The following GPC6 variants were observed in gnomAD, a reference collection of about 807,000 sequenced individuals.
The protein encoded by GPC6 is glypican-6.
GPC6 carries 14 observed loss-of-function variants against 55.2 expected under a neutral mutation model. That is an observed-to-expected ratio of 0.25 (90% CI 0.17 to 0.40). GPC6 has a LOEUF of 0.40. Among genes scored for constraint, GPC6 ranks in the 10% least tolerant of loss-of-function variants. GPC6 has a pLI of 1.00. For synonymous variants in GPC6, 278 were observed against 259.6 expected, an observed-to-expected ratio of 1.07 and a Z score of -0.68; for missense variants, 641 against 708.5, an observed-to-expected ratio of 0.90 and a Z score of 1.08.
chr13:93,711,986 G>T (rs951172035), intron 2 of GPC6, among the ~76,000 whole-genome samples: 9 of 151,654 alleles, frequency 5.9e-5, no homozygotes, highest in Non-Finnish European at 1.2e-4. Flanking sequence ...ACTTCACATT[G>T]ATTTTCCCTC....
chr13:93,992,336 G>A (rs563289280), intron 3 of GPC6, among the ~76,000 whole-genome samples: 26 of 152,142 alleles, frequency 1.7e-4, no homozygotes, highest in African/African-American at 6.3e-4. Context: ...AACAAGGTGA[G>A]AAAGAATGTA....
chr13:93,955,640 T>G (rs1164334153), intron 3 of GPC6, among the ~76,000 whole-genome samples: 4 of 152,292 alleles, frequency 2.6e-5, no homozygotes, highest in Admixed American at 1.3e-4. Flanking sequence ...AAGCAAGAGC[T>G]GTTCACAGGA....
intron 2 of GPC6, among the ~76,000 whole-genome samples, chr13:93,658,951 A>G (rs936701189): frequency 1.3e-5 from 2 of 151,866 alleles, no homozygotes; most frequent in African/African-American, 2.4e-5. Flanking sequence ...GTCACCATTA[A>G]TGGTTCATTA....
chr13:93,937,359 G>C (rs954431160), intron 3 of GPC6, among the ~76,000 whole-genome samples: 8 of 152,160 alleles, frequency 5.3e-5, no homozygotes, highest in Admixed American at 1.3e-4. Context: ...CGCACAGTCA[G>C]CTGTATAGTG....
chr13:94,123,369 A>C (rs376766509), intron 4 of GPC6, among the ~76,000 whole-genome samples: 160 of 152,164 alleles, frequency 1.1e-3, no homozygotes, highest in African/African-American at 3.8e-3. Flanking sequence ...ACACTTCCCC[A>C]AAAAATGTTT....
chr13:94,166,995 C>T lies in GPC6; in HGVS notation c.878-119354C>T, dbSNP rs941259766. Among the ~76,000 whole-genome samples the T allele has an allele frequency of 8.7e-4, 133 of 152,248 alleles. 1 individual carries two copies. The highest frequency in any genetic ancestry group is 3.1e-3 in the African/African-American group (130 of 41,562). ...TTAATAGAATAATAAATTAAATAATCATCCATTTGGAAGTTGCTATCTACT... is the reference window on the plus strand; with the variant it reads ...TTAATAGAATAATAAATTAAATAATTATCCATTTGGAAGTTGCTATCTACT... On this transcript the variant is annotated intron_variant, in intron 4 of 8. Transcript: ENST00000377047.
chr13:93,742,015 T>C (rs1884221001), intron 2 of GPC6, among the ~76,000 whole-genome samples: 2 of 152,264 alleles, frequency 1.3e-5, no homozygotes, highest in African/African-American at 4.8e-5. Context: ...TAGAATTGTC[T>C]TGAGAGTTGC....
chr13:93,702,754 C>T (rs944043359), intron 2 of GPC6, among the ~76,000 whole-genome samples: 1 of 152,016 alleles, frequency 6.6e-6, no homozygotes, highest in African/African-American at 2.4e-5. Context: ...TTCTTTCCCT[C>T]AACCTATGAA....
intron 4 of GPC6, among the ~76,000 whole-genome samples, chr13:94,234,148 T>C (rs1205322511): frequency 6.6e-6 from 1 of 152,100 alleles, no homozygotes; most frequent in Non-Finnish European, 1.5e-5. Flanking sequence ...AGAAGAGACA[T>C]CTGGGGAAAC....
intron 2 of GPC6, among the ~76,000 whole-genome samples, chr13:93,697,857 T>C (rs948743094): frequency 6.6e-6 from 1 of 152,210 alleles, no homozygotes; most frequent in African/African-American, 2.4e-5. Context: ...ATCCATCAAC[T>C]GTTCAAAACA....
At chr13:94,124,203 C>T (rs1270857030) in intron 4 of GPC6, among the ~76,000 whole-genome samples, 1 of 152,116 alleles carries the variant, frequency 6.6e-6, no homozygotes, top group Admixed American at 6.6e-5. Flanking sequence ...TTCATTTTTA[C>T]AACATGACTC....
intron 4 of GPC6, among the ~76,000 whole-genome samples, chr13:94,045,745 CAAAAAAAA>C (rs541767325): frequency 2.6e-5 from 3 of 116,206 alleles, no homozygotes; most frequent in African/African-American, 9.6e-5. Context: ...CATGGATTTT[CAAAAAAAA>C]AAAAAAAATG....
intron 2 of GPC6, among the ~76,000 whole-genome samples, chr13:93,758,760 A>ATCAGCTGTC (rs1162730716): frequency 1.3e-5 from 2 of 152,082 alleles, no homozygotes; most frequent in Non-Finnish European, 2.9e-5. Flanking sequence ...TGAACACTGA[A>ATCAGCTGTC]TCAGCTGTCT....
At chr13:94,272,113 TGCAC>T (rs1892046762) in intron 4 of GPC6, among the ~76,000 whole-genome samples, 2 of 152,084 alleles carry the variant, frequency 1.3e-5, no homozygotes, top group African/African-American at 4.8e-5. Flanking sequence ...AATACCAGTA[TGCAC>T]AGAAGTAGGA....
rs1041546473 is a variant in GPC6, at chr13:93,783,003, G to A, written c.320-47151G>A. Among the ~76,000 whole-genome samples, 4 of 152,228 alleles carry A rather than the reference G, an allele frequency of 2.6e-5. No homozygotes were observed. In the South Asian group the frequency reaches 8.3e-4, roughly 32 times the overall value. On this transcript the variant is annotated intron_variant, in intron 2 of 8. Transcript: ENST00000377047. The stretch of plus-strand genomic sequence containing the variant: ...GCCCTTCCCCAACAGGCCCCAGTGT[G>A]TGTCGTTCCCACTGTGTGTCCATGT...
At chr13:94,032,424 G>A (rs1240575568) in intron 4 of GPC6, among the ~76,000 whole-genome samples, 3 of 152,090 alleles carry the variant, frequency 2.0e-5, no homozygotes, top group East Asian at 1.9e-4. Context: ...TATTGAATTG[G>A]CATTGTCAAA....
intron 6 of GPC6, among the ~76,000 whole-genome samples, chr13:94,341,734 T>TA (rs1322190725): frequency 1.2e-4 from 19 of 152,218 alleles, no homozygotes; most frequent in African/African-American, 3.1e-4. Flanking sequence ...ATAACTTGAA[T>TA]AAATCTCAAA....
chr13:93,457,968 C>G (rs1878529358), intron 1 of GPC6, among the ~76,000 whole-genome samples: 1 of 152,152 alleles, frequency 6.6e-6, no homozygotes, highest in South Asian at 2.1e-4. Context: ...CTCCCTCACT[C>G]AGGGAGGATT....
chr13:93,446,789 G>A (rs1435118086), intron 1 of GPC6, among the ~76,000 whole-genome samples: 1 of 152,242 alleles, frequency 6.6e-6, no homozygotes, highest in Admixed American at 6.5e-5. Context: ...CGAGGTTAAT[G>A]TTAATAAGGT....
Sources: gnomAD v4.1 joint callset for allele counts (sites outside exome capture counted in the v4.1 genomes callset) on GRCh38, gnomAD v4.1.1 for gene constraint, MANE v1.5 for transcripts, NCBI Gene and HGNC (gene_info 2026-07-23, HGNC 2026-07-21) for gene names.